The following RABL3 variants were observed in gnomAD, a reference collection of about 807,000 sequenced individuals.
RABL3 encodes rab-like protein 3.
Under a neutral mutation model 31.8 loss-of-function variants are expected in RABL3, and 31 were observed. The ratio of observed to expected loss-of-function variants is 0.97; its 90% CI spans 0.73 to 1.31. The LOEUF is 1.31. Among genes scored for constraint, RABL3 ranks in the 40% most tolerant of loss-of-function variants. The probability of loss-of-function intolerance (pLI) is 0.00; values close to 1 mark genes in which losing one functional copy is unlikely to be tolerated. For missense variants in RABL3, 263 were observed against 279.6 expected, an observed-to-expected ratio of 0.94 and a Z score of 0.42; for synonymous variants, 97 against 99.9, an observed-to-expected ratio of 0.97 and a Z score of 0.18.
chr3:120,690,149 T>C (rs1205815352), intron 7 of RABL3, among the ~76,000 whole-genome samples: 1 of 152,172 alleles, frequency 6.6e-6, no homozygotes, highest in Non-Finnish European at 1.5e-5. Flanking sequence ...CCTACTAGAC[T>C]TTTATAGAAA....
At chr3:120,717,259 CAAAAAAAACAAAAAAAAAAACAACAAA>C (rs1708681621) in intron 2 of RABL3, among the ~76,000 whole-genome samples, 1 of 88,606 alleles carries the variant, frequency 1.1e-5, no homozygotes. Flanking sequence ...AACTCCATCT[CAAAAAAAACAAAAAAAAAAACAACAAA>C]AAAAAAAACA....
At chr3:120,700,089 C>T (rs1371574366) in intron 4 of RABL3, among the ~76,000 whole-genome samples, 1 of 152,118 alleles carries the variant, frequency 6.6e-6, no homozygotes, top group East Asian at 1.9e-4. Flanking sequence ...TCTCTTATTT[C>T]TCTTTTTAGC....
At chr3:120,715,891 A>G (rs1317214158) in intron 2 of RABL3, among the ~76,000 whole-genome samples, 1 of 152,186 alleles carries the variant, frequency 6.6e-6, no homozygotes, top group African/African-American at 2.4e-5. Context: ...CTGTGCTTCA[A>G]TTGCTTCCAC....
intron 3 of RABL3, among the ~76,000 whole-genome samples, chr3:120,706,998 AT>A (rs1321376467): frequency 6.6e-6 from 1 of 152,156 alleles, no homozygotes; most frequent in Non-Finnish European, 1.5e-5. Context: ...GCCCACTAGA[AT>A]TTAGGATATC....
intron 4 of RABL3, among the ~76,000 whole-genome samples, chr3:120,700,047 T>C (rs1484660192): frequency 1.3e-5 from 2 of 152,206 alleles, no homozygotes; most frequent in Non-Finnish European, 2.9e-5. Context: ...CCTTGCACAC[T>C]GACACATATA....
chr3:120,732,745 G>A lies in RABL3; in HGVS notation c.47-1958C>T, dbSNP rs1044477256. 2.9e-5 allele frequency among the ~76,000 whole-genome samples: 4 copies of A among 138,164 alleles called. No individual in the cohort carries two copies. The Admixed American group carries it at 3.3e-4, about 11-fold the overall frequency. The allele number at this position is 138,164 out of a possible 152,430, so 90.6% of individuals were successfully genotyped here. The stretch of plus-strand genomic sequence containing the variant: ...TACCCCACAACAGGCCCTGGTGTGT[G>A]ATGTTCCCTTCCTGTGTCCAAGTGT... On this transcript the variant is annotated intron_variant, in intron 1 of 7. Coordinates refer to ENST00000273375, the MANE Select transcript of RABL3 (RefSeq NM_173825.5).
chr3:120,707,841 C>T (rs1708568595), intron 3 of RABL3, among the ~76,000 whole-genome samples: 1 of 152,056 alleles, frequency 6.6e-6, no homozygotes. Context: ...TATTCTTTCT[C>T]TTTCATTTGG....
chr3:120,742,042 T>G (rs936580613), intron 1 of RABL3, among the ~76,000 whole-genome samples: 5 of 152,184 alleles, frequency 3.3e-5, no homozygotes, highest in Non-Finnish European at 7.4e-5. Flanking sequence ...CGTTTCTCAG[T>G]GCACGTTTCT....
At chr3:120,721,218 C>T (rs1451555295) in intron 2 of RABL3, among the ~76,000 whole-genome samples, 2 of 152,160 alleles carry the variant, frequency 1.3e-5, no homozygotes, top group African/African-American at 4.8e-5. Context: ...CCGGTACCAG[C>T]CACTGCAAAA....
intron 1 of RABL3, among the ~76,000 whole-genome samples, chr3:120,740,306 G>A (rs375313512): frequency 1.3e-5 from 2 of 151,962 alleles, no homozygotes; most frequent in East Asian, 3.9e-4. Flanking sequence ...CTATCACCCA[G>A]GCTAGAGTGC....
rs977105954 is a variant in RABL3 at position 120,702,560 on chromosome 3, CT to C, written c.383+3439del. 5.3e-3 allele frequency among the ~76,000 whole-genome samples: 740 copies of C among 140,838 alleles called. 2 individuals are homozygous for C. Among genetic ancestry groups the C allele is most frequent in the African/African-American group, 0.013 (511 of 38,558 alleles). 92.4% of individuals were successfully genotyped at this position (140,838 alleles called of 152,430 possible). On this transcript the variant is annotated intron_variant, in intron 4 of 7. Coordinates refer to ENST00000273375, the MANE Select transcript of RABL3 (RefSeq NM_173825.5). ...CAAATACAGAGGAAGGGAAATTTTT[CT>C]TTTTTTTTTTTTTTGAGACGGAGTC...
chr3:120,717,181 G>A (rs1002098995), intron 2 of RABL3, among the ~76,000 whole-genome samples: 1 of 151,850 alleles, frequency 6.6e-6, no homozygotes, highest in Non-Finnish European at 1.5e-5. Flanking sequence ...GCTTGAACCT[G>A]GGAGGTGGAG....
chr3:120,715,260 C>T (rs1294287578), intron 2 of RABL3, among the ~76,000 whole-genome samples: 1 of 152,200 alleles, frequency 6.6e-6, no homozygotes, highest in Non-Finnish European at 1.5e-5. Context: ...CAATACAGGC[C>T]AGGTGTGGTG....
chr3:120,733,815 C>T, intron 1 of RABL3, among the ~76,000 whole-genome samples: 1 of 152,168 alleles, frequency 6.6e-6, no homozygotes, highest in East Asian at 1.9e-4. Context: ...AATAGGGAAT[C>T]CTTTCCCCAT....
intron 6 of RABL3, among the ~76,000 whole-genome samples, chr3:120,692,415 G>T (rs1010553099): frequency 1.3e-5 from 2 of 152,174 alleles, no homozygotes; most frequent in Non-Finnish European, 2.9e-5. Flanking sequence ...AGCCATGATG[G>T]TCTTGATCTC....
At chr3:120,724,450 C>A (rs555781262) in intron 2 of RABL3, among the ~76,000 whole-genome samples, 134 of 152,146 alleles carry the variant, frequency 8.8e-4, no homozygotes, top group Non-Finnish European at 1.3e-3. Context: ...AAAAAAACTA[C>A]TTTAAAGTTC....
At chr3:120,726,216 G>C (rs1248204740) in intron 2 of RABL3, among the ~76,000 whole-genome samples, 1 of 152,100 alleles carries the variant, frequency 6.6e-6, no homozygotes, top group Non-Finnish European at 1.5e-5. Context: ...CTTGCCCAAG[G>C]TAAGGTGCAT....
intron 4 of RABL3, among the ~76,000 whole-genome samples, chr3:120,704,427 T>C (rs1463217959): frequency 6.6e-6 from 1 of 152,162 alleles, no homozygotes; most frequent in Non-Finnish European, 1.5e-5. Flanking sequence ...GTTCTCAACC[T>C]GATAAATGAT....
At position 120,726,755 on chromosome 3, in the gene RABL3, T is replaced by TTAAA. The variant is rs548316065; in HGVS notation, c.138+3937_138+3940dup. Reference sequence around the variant, plus strand: ...TGGGACTCCATCTCAAAAAAATAAATTAAATAAATAAATAAATAAATAAAA... The same window carrying TTAAA: ...TGGGACTCCATCTCAAAAAAATAAATTAAATAAATAAATAAATAAATAAATAAAA... On this transcript the variant is annotated intron_variant, in intron 2 of 7. Coordinates refer to ENST00000273375, the MANE Select transcript of RABL3 (RefSeq NM_173825.5). Among the ~76,000 whole-genome samples, 222 of 150,862 alleles carry TTAAA rather than the reference T, an allele frequency of 1.5e-3. 3 individuals carry two copies. The highest frequency in any genetic ancestry group is 3.7e-3 in the African/African-American group (154 of 41,150).
Sources: allele counts gnomAD v4.1 joint callset (sites outside exome capture counted in the v4.1 genomes callset), GRCh38; gene constraint gnomAD v4.1.1; transcripts MANE v1.5; gene names NCBI Gene and HGNC (gene_info 2026-07-23, HGNC 2026-07-21).